The following SV2C variants were observed in gnomAD, a reference collection of about 807,000 sequenced individuals.
The protein encoded by SV2C is solute carrier family 22 member B3.
A neutral mutation model predicts 79.7 loss-of-function variants in SV2C; 49 were observed. The ratio of observed to expected loss-of-function variants is 0.61; its 90% CI spans 0.49 to 0.78. SV2C has a LOEUF of 0.78. Among genes scored for constraint, SV2C ranks in the 30% least tolerant of loss-of-function variants. The pLI is 0.00. For synonymous variants in SV2C, 334 were observed against 333.2 expected, an observed-to-expected ratio of 1.00 and a Z score of -0.03; for missense variants, 833 against 912.9, an observed-to-expected ratio of 0.91 and a Z score of 1.13.
chr5:76,079,686 A>C, upstream of SV2C: 1 of 337,880 alleles, frequency 3.0e-6, no homozygotes, highest in South Asian at 3.3e-5. Flanking sequence ...TGCCTTGTGG[A>C]ATTCTCAAAG....
At chr5:76,130,342 G>A (rs768121197) in intron 1 of SV2C, among the ~76,000 whole-genome samples, 10 of 152,124 alleles carry the variant, frequency 6.6e-5, no homozygotes, top group Admixed American at 1.3e-4. Context: ...TATTCAGTGG[G>A]AATGAAGCAT....
chr5:76,043,399 T>A, the SV2C span, among the ~76,000 whole-genome samples: 1 of 152,322 alleles, frequency 6.6e-6, no homozygotes, highest in Non-Finnish European at 1.5e-5. Context: ...TCTGGAGAAG[T>A]CTAGCTGTCA....
chr5:76,241,908 TA>T (rs913738668), intron 4 of SV2C: 73 of 672,508 alleles, frequency 1.1e-4, no homozygotes, highest in Non-Finnish European at 1.5e-4. Flanking sequence ...AACATAGCTT[TA>T]AAAAAAATAA....
chr5:76,011,831 G>C, the SV2C span, among the ~76,000 whole-genome samples: 1 of 152,016 alleles, frequency 6.6e-6, no homozygotes, highest in Non-Finnish European at 1.5e-5. Flanking sequence ...TCATTGTTCA[G>C]CTCCCACTTA....
the SV2C span, chr5:75,921,241 G>A: frequency 1.4e-6 from 2 of 1,387,414 alleles, no homozygotes; most frequent in Non-Finnish European, 2.0e-6. Context: ...ACTTCCCTTT[G>A]ACTTTGATGA....
At chr5:76,098,831 TTTA>T (rs1218378502) in intron 1 of SV2C, among the ~76,000 whole-genome samples, 1 of 152,216 alleles carries the variant, frequency 6.6e-6, no homozygotes, top group Non-Finnish European at 1.5e-5. Flanking sequence ...TACCTGTACC[TTTA>T]TTTAATATCA....
the SV2C span, among the ~76,000 whole-genome samples, chr5:76,034,614 G>C: frequency 1.3e-5 from 2 of 152,152 alleles, no homozygotes; most frequent in African/African-American, 4.8e-5. Flanking sequence ...TGATCATGGT[G>C]GATAAGCTTT....
intron 3 of SV2C, among the ~76,000 whole-genome samples, chr5:76,200,268 T>A (rs2112337827): frequency 6.6e-6 from 1 of 152,348 alleles, no homozygotes; most frequent in Non-Finnish European, 1.5e-5. Flanking sequence ...AATTCCCACA[T>A]TGGTACAGAA....
chr5:76,099,454 G>T (rs577132394), intron 1 of SV2C, among the ~76,000 whole-genome samples: 2 of 151,880 alleles, frequency 1.3e-5, no homozygotes, highest in East Asian at 3.9e-4. Context: ...CTCAGGAAAT[G>T]ATGACATCGT....
At chr5:76,079,762 A>C, upstream of SV2C, 2 of 243,260 alleles carry the variant, frequency 8.2e-6, no homozygotes, top group South Asian at 6.8e-5. Flanking sequence ...AGAAAGCTAA[A>C]CCCTGAAGAT....
the SV2C span, among the ~76,000 whole-genome samples, chr5:75,909,636 G>A: frequency 4.6e-5 from 7 of 152,180 alleles, no homozygotes; most frequent in African/African-American, 1.7e-4. Flanking sequence ...TTAAACTGCT[G>A]TTGGAAAACC....
At chr5:76,177,829 G>T (rs185999661) in intron 2 of SV2C, among the ~76,000 whole-genome samples, 3 of 152,124 alleles carry the variant, frequency 2.0e-5, no homozygotes, top group Admixed American at 6.5e-5. Flanking sequence ...GGTCTAAGAT[G>T]ACTGACATCT....
rs750063338 is a variant in SV2C, at chr5:76,295,794, G to A, written c.1354G>A (p.Val452Ile). Residue 452 changes from valine (V) to isoleucine (I), a missense_variant, in exon 9 of 13, where the codon GTT becomes ATT. By Grantham distance (29) the Val-to-Ile change is conservative. Transcript: ENST00000502798. ...TCTTTGCAGGTACTATGGATTATCC[G>A]TTTGGTTCCCTGATGTCATTAAACC... ...TLSFGYYGLSVWFPDVIKPLQ... is the reference protein window; with the variant it reads ...TLSFGYYGLSIWFPDVIKPLQ... The A allele has an allele frequency of 9.3e-6, 15 of 1,610,340 alleles. No homozygotes were observed. Among genetic ancestry groups the A allele is most frequent in the Middle Eastern group, 1.7e-4 (1 of 6,044 alleles).
At chr5:75,890,067 A>C in the SV2C span, among the ~76,000 whole-genome samples, 15 of 152,172 alleles carry the variant, frequency 9.9e-5, no homozygotes, top group Non-Finnish European at 1.8e-4. Flanking sequence ...TTACAGATTT[A>C]GTATGTCAAC....
intron 12 of SV2C, among the ~76,000 whole-genome samples, chr5:76,301,888 A>G: frequency 6.7e-6 from 1 of 148,262 alleles, no homozygotes; most frequent in African/African-American, 2.5e-5. Context: ...CAGCCTGGGC[A>G]ACAGAGTGAG....
chr5:75,958,818 T>C, the SV2C span, among the ~76,000 whole-genome samples: 1 of 151,950 alleles, frequency 6.6e-6, no homozygotes, highest in Non-Finnish European at 1.5e-5. Flanking sequence ...ATTCATAGCA[T>C]ACCAGCATTT....
chr5:75,871,351 A>G, the SV2C span, among the ~76,000 whole-genome samples: 1 of 152,192 alleles, frequency 6.6e-6, no homozygotes, highest in Non-Finnish European at 1.5e-5. Context: ...GATTTGGGGA[A>G]ATATTTGTTA....
the SV2C span, among the ~76,000 whole-genome samples, chr5:75,903,455 C>T: frequency 6.6e-6 from 1 of 151,800 alleles, no homozygotes; most frequent in African/African-American, 2.4e-5. Context: ...TTGCTAATGA[C>T]AGTCTTTTCA....
intron 12 of SV2C, among the ~76,000 whole-genome samples, chr5:76,307,056 T>C (rs1748217094): frequency 6.7e-6 from 1 of 149,352 alleles, no homozygotes; most frequent in Non-Finnish European, 1.5e-5. Flanking sequence ...GCTTTTCAGG[T>C]TTTTTCTTTG....
Sources: gnomAD v4.1 joint callset for allele counts (sites outside exome capture counted in the v4.1 genomes callset) on GRCh38, gnomAD v4.1.1 for gene constraint, MANE v1.5 for transcripts, NCBI Gene and HGNC (gene_info 2026-07-23, HGNC 2026-07-21) for gene names.